KHDRBS2: variants seen among roughly 807,000 people sequenced by gnomAD.
KHDRBS2 encodes KH domain-containing, RNA-binding, signal transduction-associated protein 2.
KHDRBS2 carries 26 observed loss-of-function variants against 44.3 expected under a neutral mutation model. That is an observed-to-expected ratio of 0.59 (90% CI 0.43 to 0.81). The LOEUF is 0.81. Ranked by LOEUF, KHDRBS2 falls within the 40% of genes least tolerant of loss-of-function variation. The pLI, the probability that KHDRBS2 is intolerant of heterozygous loss-of-function variation, is 0.00. For synonymous variants in KHDRBS2, 194 were observed against 151.1 expected, an observed-to-expected ratio of 1.28 and a Z score of -2.08; for missense variants, 476 against 433.1, an observed-to-expected ratio of 1.10 and a Z score of -0.88.
intron 4 of KHDRBS2, among the ~76,000 whole-genome samples, chr6:61,925,307 A>T (rs1808749225): frequency 1.3e-5 from 2 of 152,224 alleles, no homozygotes; most frequent in Admixed American, 6.5e-5. Flanking sequence ...TGAAATAAAA[A>T]AATAAGATTC....
At chr6:62,265,879 T>C (rs1225189482) in intron 1 of KHDRBS2, among the ~76,000 whole-genome samples, 1 of 152,060 alleles carries the variant, frequency 6.6e-6, no homozygotes, top group Non-Finnish European at 1.5e-5. Flanking sequence ...TTTAGCTTTT[T>C]CTAAAAGCAC....
chr6:61,611,216 A>G, the KHDRBS2 span, among the ~76,000 whole-genome samples: 1 of 152,214 alleles, frequency 6.6e-6, no homozygotes, highest in Non-Finnish European at 1.5e-5. Context: ...CACTTCTCTA[A>G]TATTCACTAA....
chr6:61,718,049 A>G (rs993564799), intron 7 of KHDRBS2, among the ~76,000 whole-genome samples: 8 of 152,042 alleles, frequency 5.3e-5, no homozygotes, highest in African/African-American at 1.4e-4. Flanking sequence ...AATTTTCTCT[A>G]TATAAAATGA....
chr6:62,195,663 T>C (rs1295858295), intron 1 of KHDRBS2, among the ~76,000 whole-genome samples: 1 of 152,086 alleles, frequency 6.6e-6, no homozygotes, highest in African/African-American at 2.4e-5. Context: ...CCCTTGGCCA[T>C]TGGGTACTTG....
chr6:61,597,730 T>TATATATATATATATATATATATA, the KHDRBS2 span, among the ~76,000 whole-genome samples: 1 of 31,400 alleles, frequency 3.2e-5, no homozygotes, highest in Non-Finnish European at 6.2e-5. Flanking sequence ...ATTTTGCACC[T>TATATATATATATATATATATATA]TTTATATATA....
chr6:62,033,128 T>A (rs192868257), intron 3 of KHDRBS2, among the ~76,000 whole-genome samples: 84 of 151,902 alleles, frequency 5.5e-4, no homozygotes, highest in African/African-American at 2.0e-3. Context: ...AAGAAATAAT[T>A]AGTGAGCTTG....
At chr6:62,164,990 A>T (rs1031010228) in intron 2 of KHDRBS2, among the ~76,000 whole-genome samples, 1 of 151,948 alleles carries the variant, frequency 6.6e-6, no homozygotes, top group African/African-American at 2.4e-5. Context: ...AGTTAGAAAT[A>T]TGAATTCTTC....
intron 6 of KHDRBS2, 82 bp from the exon 7 acceptor site, chr6:61,732,846 A>G (rs1433799953): frequency 3.9e-6 from 3 of 778,108 alleles, no homozygotes; most frequent in African/African-American, 3.4e-5. Flanking sequence ...ATTTTATACA[A>G]TGTGATCTTG....
At chr6:61,587,160 C>T in the KHDRBS2 span, among the ~76,000 whole-genome samples, 1 of 152,310 alleles carries the variant, frequency 6.6e-6, no homozygotes. Flanking sequence ...AATGAGGAAG[C>T]AGCCACAGCT....
chr6:61,647,515 T>A, the KHDRBS2 span, among the ~76,000 whole-genome samples: 1 of 152,162 alleles, frequency 6.6e-6, no homozygotes, highest in African/African-American at 2.4e-5. Flanking sequence ...ATATGAATCG[T>A]CTTCAGTTAT....
intron 2 of KHDRBS2, among the ~76,000 whole-genome samples, chr6:62,103,711 C>T (rs1479026776): frequency 6.6e-6 from 1 of 152,180 alleles, no homozygotes; most frequent in Non-Finnish European, 1.5e-5. Context: ...AAGCCCCAGC[C>T]ATGTCTCTCC....
At chr6:62,216,785 A>C in intron 1 of KHDRBS2, among the ~76,000 whole-genome samples, 1 of 150,090 alleles carries the variant, frequency 6.7e-6, no homozygotes, top group East Asian at 1.9e-4. Flanking sequence ...TAGACTTTAG[A>C]TGACCAAAAG....
At chr6:62,055,447 G>A (rs1352832809) in intron 2 of KHDRBS2, among the ~76,000 whole-genome samples, 1 of 152,014 alleles carries the variant, frequency 6.6e-6, no homozygotes, top group Non-Finnish European at 1.5e-5. Context: ...ATTGGCCAGA[G>A]TGTGGAGAAA....
At chr6:62,241,980 T>C (rs1321687018) in intron 1 of KHDRBS2, among the ~76,000 whole-genome samples, 2 of 152,170 alleles carry the variant, frequency 1.3e-5, no homozygotes, top group Non-Finnish European at 2.9e-5. Flanking sequence ...ATCAGGAAGT[T>C]TAGATTGTCC....
chr6:61,601,190 C>T, the KHDRBS2 span, among the ~76,000 whole-genome samples: 1 of 152,040 alleles, frequency 6.6e-6, no homozygotes, highest in South Asian at 2.1e-4. Flanking sequence ...TCTACCCTCT[C>T]TTCTCTCCAC....
At chr6:61,929,114 T>C (rs1487367712) in intron 4 of KHDRBS2, among the ~76,000 whole-genome samples, 4 of 151,754 alleles carry the variant, frequency 2.6e-5, no homozygotes, top group Non-Finnish European at 5.9e-5. Flanking sequence ...TATCAATCTA[T>C]GGGAAAGTTG....
At chr6:61,953,641 G>T (rs577696453) in intron 4 of KHDRBS2, among the ~76,000 whole-genome samples, 21 of 152,108 alleles carry the variant, frequency 1.4e-4, no homozygotes, top group African/African-American at 5.1e-4. Context: ...AAAAAATGAA[G>T]ATCTCTTTTC....
At chr6:61,634,117 T>C in the KHDRBS2 span, among the ~76,000 whole-genome samples, 146 of 152,172 alleles carry the variant, frequency 9.6e-4, no homozygotes, top group African/African-American at 3.4e-3. Context: ...GTTTTTTATT[T>C]AGTTCAATAT....
In KHDRBS2 at chr6:62,136,702, C is replaced by G. The variant is rs568072320; in HGVS notation, c.219+40483G>C. Among the ~76,000 whole-genome samples, 30 of 152,152 alleles carry G rather than the reference C, an allele frequency of 2.0e-4. No individual in the cohort carries two copies. In the South Asian group the frequency reaches 6.0e-3, roughly 31 times the overall value. ...CTAAAATGTCAGTGAGAAGTTGGCC[C>G]CCTACCACAATGAACAGCCACTATC... On this transcript the variant is annotated intron_variant, in intron 2 of 8. Transcript: ENST00000281156.
Sources: gnomAD v4.1 joint callset for allele counts (sites outside exome capture counted in the v4.1 genomes callset) on GRCh38, gnomAD v4.1.1 for gene constraint, MANE v1.5 for transcripts, NCBI Gene and HGNC (gene_info 2026-07-23, HGNC 2026-07-21) for gene names.